The following FOXP1 variants were observed in gnomAD, a reference collection of about 807,000 sequenced individuals.
The protein encoded by FOXP1 is forkhead box protein P1.
FOXP1 carries 15 observed loss-of-function variants against 98.2 expected under a neutral mutation model. That is an observed-to-expected ratio of 0.15 (90% CI 0.10 to 0.24). FOXP1 has a LOEUF of 0.24. Ranked by LOEUF, FOXP1 falls within the 10% of genes least tolerant of loss-of-function variation. FOXP1 has a pLI of 1.00. For missense variants in FOXP1, 633 were observed against 848.5 expected (o/e 0.75, Z 3.15); for synonymous variants, 371 against 314.5 (o/e 1.18, Z -1.90).
intron 3 of FOXP1, among the ~76,000 whole-genome samples, chr3:71,432,245 G>A (rs1026392818): frequency 2.4e-4 from 36 of 152,120 alleles, no homozygotes; most frequent in Non-Finnish European, 2.9e-5. Flanking sequence ...TGACCTTGTC[G>A]TGGCCGGGAA....
At chr3:71,362,191 G>A (rs1179333730) in intron 3 of FOXP1, among the ~76,000 whole-genome samples, 1 of 152,062 alleles carries the variant, frequency 6.6e-6, no homozygotes, top group Non-Finnish European at 1.5e-5. Context: ...ATTTATTTTT[G>A]AGATGGAGTC....
intron 2 of FOXP1, among the ~76,000 whole-genome samples, chr3:71,560,976 T>C (rs778001382): frequency 6.6e-6 from 1 of 152,182 alleles, no homozygotes; most frequent in Admixed American, 6.5e-5. Context: ...CTGTGGGACA[T>C]AAAAATGTTC....
chr3:71,000,510 G>A (rs964179185), intron 13 of FOXP1, among the ~76,000 whole-genome samples: 5 of 151,958 alleles, frequency 3.3e-5, no homozygotes, highest in African/African-American at 1.2e-4. Context: ...GGTCTCGCTC[G>A]CTCTTTCTCT....
intron 7 of FOXP1, among the ~76,000 whole-genome samples, chr3:71,058,878 C>T (rs2051065133): frequency 6.7e-6 from 1 of 150,124 alleles, no homozygotes; most frequent in Non-Finnish European, 1.5e-5. Context: ...TATAATATTT[C>T]GGTCTTAAAA....
chr3:71,515,314 C>G (rs1202746148), intron 2 of FOXP1, among the ~76,000 whole-genome samples: 1 of 151,210 alleles, frequency 6.6e-6, no homozygotes, highest in Non-Finnish European at 1.5e-5. Context: ...GAATCTTAAG[C>G]TCACATTTCC....
At chr3:71,304,063 C>T (rs1016207957) in intron 4 of FOXP1, among the ~76,000 whole-genome samples, 2 of 152,180 alleles carry the variant, frequency 1.3e-5, no homozygotes, top group Non-Finnish European at 2.9e-5. Flanking sequence ...CATTTTACTT[C>T]CTTTCTCCTC....
chr3:71,518,460 G>A (rs1343887112), intron 2 of FOXP1, among the ~76,000 whole-genome samples: 1 of 152,146 alleles, frequency 6.6e-6, no homozygotes. Context: ...CCAAAAGACA[G>A]CATAAATTCA....
chr3:71,508,962 A>G (rs1384523281), intron 2 of FOXP1, among the ~76,000 whole-genome samples: 1 of 152,180 alleles, frequency 6.6e-6, no homozygotes, highest in East Asian at 1.9e-4. Context: ...TGTATGTGAG[A>G]CACTGAGCTC....
chr3:71,354,001 T>G (rs2077974239), intron 4 of FOXP1, among the ~76,000 whole-genome samples: 1 of 152,122 alleles, frequency 6.6e-6, no homozygotes, highest in South Asian at 2.1e-4. Context: ...AAGTATATTT[T>G]TTTAAAAAAA....
At chr3:71,034,974 G>A (rs547491370) in intron 11 of FOXP1, among the ~76,000 whole-genome samples, 89 of 152,180 alleles carry the variant, frequency 5.8e-4, no homozygotes, top group Non-Finnish European at 1.2e-3. Context: ...TGTCTGGGAT[G>A]TGAATCAAGT....
At chr3:71,016,343 A>G (rs2044483425) in intron 11 of FOXP1, among the ~76,000 whole-genome samples, 1 of 152,184 alleles carries the variant, frequency 6.6e-6, no homozygotes, top group South Asian at 2.1e-4. Context: ...ATCTGGCCAC[A>G]CGGATCCAAG....
At chr3:71,434,902 C>G (rs1301401735) in intron 3 of FOXP1, among the ~76,000 whole-genome samples, 1 of 152,016 alleles carries the variant, frequency 6.6e-6, no homozygotes, top group Non-Finnish European at 1.5e-5. Flanking sequence ...GGAGTCCTGA[C>G]CGCCAAACAG....
Position 70,988,113 on chromosome 3 carries a change from T to A in FOXP1, c.1063-36A>T, listed in dbSNP as rs372013446. 3.2e-6 allele frequency: 5 copies of A among 1,569,874 alleles called. No individual in the cohort carries two copies. The Admixed American group carries it at 5.0e-5, about 16-fold the overall frequency. ...GAAAATGCTTTGTTATTTCTCTGAA[T>A]AAAGATGCATGGCTCTTAACACCAA... On this transcript the variant is annotated intron_variant, in intron 13 of 20. Transcript: ENST00000649528.
chr3:71,278,943 G>A (rs984293770), intron 5 of FOXP1, among the ~76,000 whole-genome samples: 2 of 152,108 alleles, frequency 1.3e-5, no homozygotes, highest in African/African-American at 4.8e-5. Flanking sequence ...TGTAATCCCA[G>A]CACTTTGGGA....
intron 3 of FOXP1, among the ~76,000 whole-genome samples, chr3:71,410,940 C>T (rs1432438014): frequency 1.3e-5 from 2 of 152,262 alleles, no homozygotes; most frequent in Middle Eastern, 3.4e-3. Context: ...CCTTATCACG[C>T]GTGGCTTCAT....
intron 6 of FOXP1, among the ~76,000 whole-genome samples, chr3:71,127,484 A>C (rs986954276): frequency 6.6e-6 from 1 of 152,230 alleles, no homozygotes; most frequent in Non-Finnish European, 1.5e-5. Flanking sequence ...ATAGATTAAA[A>C]TAAAGAACGA....
intron 11 of FOXP1, among the ~76,000 whole-genome samples, chr3:71,024,093 GAAC>G (rs1258764187): frequency 6.6e-6 from 1 of 152,048 alleles, no homozygotes; most frequent in African/African-American, 2.4e-5. Context: ...GCAGAAAACA[GAAC>G]GACAGGTAAA....
At chr3:71,263,376 G>A (rs917328155) in intron 5 of FOXP1, among the ~76,000 whole-genome samples, 4 of 152,188 alleles carry the variant, frequency 2.6e-5, no homozygotes, top group Admixed American at 1.3e-4. Context: ...GGATGTGGGG[G>A]AATTGGGTTT....
Position 71,020,088 on chromosome 3 carries a change from AAC to A in FOXP1, c.870-4437_870-4436del, listed in dbSNP as rs567210933. ...ATTTAATTTTATTCTGAATATATAA[AAC>A]ACAGATAGTATGCATTTGAGAAAAG... is the stretch of plus-strand genomic sequence containing the variant. On this transcript the variant is annotated intron_variant, in intron 11 of 20. Coordinates refer to ENST00000649528, the MANE Select transcript of FOXP1 (RefSeq NM_001349338.3). Among the ~76,000 whole-genome samples, 42 of 152,318 alleles carry A rather than the reference AAC, an allele frequency of 2.8e-4. No individual in the cohort carries two copies. In the South Asian group the frequency reaches 4.6e-3, roughly 17 times the overall value.
Sources: gnomAD v4.1 joint callset for allele counts (sites outside exome capture counted in the v4.1 genomes callset) on GRCh38, gnomAD v4.1.1 for gene constraint, MANE v1.5 for transcripts, NCBI Gene and HGNC (gene_info 2026-07-23, HGNC 2026-07-21) for gene names.